The following NOS3 variants were observed in gnomAD, a reference collection of about 807,000 sequenced individuals.
The protein encoded by NOS3 is NOS type III.
In NOS3, 98 loss-of-function variants were observed where a neutral mutation model predicts 144.9. The ratio of observed to expected loss-of-function variants is 0.68; its 90% CI spans 0.57 to 0.80. The LOEUF is 0.80. Ranked by LOEUF, NOS3 falls within the 30% of genes least tolerant of loss-of-function variation. The pLI is 0.00. For synonymous variants in NOS3, 714 were observed against 702.4 expected, an observed-to-expected ratio of 1.02 and a Z score of -0.26; for missense variants, 1,465 against 1,656.4, an observed-to-expected ratio of 0.88 and a Z score of 2.01.
In NOS3 at chr7:151,002,890, CT is replaced by C. The variant is rs1157155018; in HGVS notation, c.1752+587del. 1.0e-5 allele frequency: 2 copies of C among 200,766 alleles called. No individual in the cohort carries two copies. Among genetic ancestry groups the C allele is most frequent in the African/African-American group, 4.8e-5 (2 of 41,678 alleles). 12.4% of individuals were successfully genotyped at this position (200,766 alleles called of 1,614,324 possible). On this transcript the variant is annotated intron_variant, in intron 14 of 26. Coordinates refer to ENST00000297494, the MANE Select transcript of NOS3 (RefSeq NM_000603.5). The surrounding 1 kb of genome is among the most constrained non-coding windows in gnomAD (Gnocchi z 4.1). Reference sequence around the variant, plus strand: ...GAACTCCTAGCCTCAAGAGATCCTCCTGCCGCAGGCTCCTTTTTCAAAAGAA... The same window carrying C: ...GAACTCCTAGCCTCAAGAGATCCTCCGCCGCAGGCTCCTTTTTCAAAAGAA...
At position 151,014,313 on chromosome 7, in the gene NOS3, T is replaced by A; in HGVS notation, c.*144T>A. ...GGCTGCAAGGATTCAGCATTATTCCTCCAGGAAGGAGCAAAACGCCTCTTT... is the reference window on the plus strand; with the variant it reads ...GGCTGCAAGGATTCAGCATTATTCCACCAGGAAGGAGCAAAACGCCTCTTT... On this transcript the variant is annotated 3_prime_UTR_variant, in exon 27 of 27. Coordinates refer to ENST00000297494, the MANE Select transcript of NOS3 (RefSeq NM_000603.5). The A allele has an allele frequency of 1.1e-6, 1 of 913,150 alleles. No homozygotes were observed. The allele number at this position is 913,150 out of a possible 1,614,324, so 56.6% of individuals were successfully genotyped here. A position where few individuals can be genotyped will look rare whatever the true frequency, so the allele number is the denominator to read the frequency against.
rs1022270557 is a variant in NOS3 at position 151,002,260 on chromosome 7, G to A, written c.1708G>A (p.Val570Ile). 3 of 1,599,720 alleles carry A rather than the reference G, an allele frequency of 1.9e-6. No individual in the cohort carries two copies. The African/African-American group carries it at 4.0e-5, about 21-fold the overall frequency. ...SLEHETLVLV[V>I]TSTFGNGDPP... The stretch of plus-strand genomic sequence containing the variant: ...CGAACACGAGACGCTGGTGCTGGTG[G>A]TAACCAGCACATTTGGGAATGGGGA... Residue 570 changes from valine to isoleucine, a missense_variant, in exon 14 of 27, where the codon GTA becomes ATA. Val to Ile is a conservative substitution (Grantham distance 29, BLOSUM62 3). Around this residue, in one of 5 missense-constraint regions of NOS3, gnomAD observed 745 missense variants for 853.9 expected, o/e 0.87. Coordinates refer to ENST00000297494, the MANE Select transcript of NOS3 (RefSeq NM_000603.5). The surrounding 1 kb of genome is among the most constrained non-coding windows in gnomAD (Gnocchi z 4.1).
chr7:151,010,393 T>C (rs1795279311), intron 21 of NOS3, 106 bp downstream of exon 21: 3 of 1,208,380 alleles, frequency 2.5e-6, no homozygotes, highest in Non-Finnish European at 2.3e-6. Flanking sequence ...GACTTTCTTC[T>C]CCTGGCCGAC....
At position 151,010,108 on chromosome 7, in the gene NOS3, T is replaced by A; in HGVS notation, c.2513-7T>A. 1 of 1,575,644 alleles carries A rather than the reference T, an allele frequency of 6.3e-7. No homozygotes were observed. On this transcript the variant is annotated splice_polypyrimidine_tract_variant and splice_region_variant and intron_variant, in intron 20 of 26. Transcript: ENST00000297494. Reference sequence around the variant, plus strand: ...TGTCCTCAGAGCTCCCTGTGCACTATCCCCAGGTGGCCCTCCCCCCGGCTG... The same window carrying A: ...TGTCCTCAGAGCTCCCTGTGCACTAACCCCAGGTGGCCCTCCCCCCGGCTG...
At chr7:150,994,299 C>T (rs1187753288) in intron 2 of NOS3, among the ~76,000 whole-genome samples, 1 of 152,170 alleles carries the variant, frequency 6.6e-6, no homozygotes, top group Non-Finnish European at 1.5e-5. Flanking sequence ...ATACTTACTC[C>T]ATGGGGAAGT....
At chr7:151,009,793 CA>C (rs1299458158) in intron 20 of NOS3, among the ~76,000 whole-genome samples, 7 of 152,210 alleles carry the variant, frequency 4.6e-5, no homozygotes, top group Non-Finnish European at 1.0e-4. Context: ...GCACCCCCAC[CA>C]AAAGGCTGTC....
rs774245801 is a variant in NOS3, at chr7:150,996,903, G to A, written c.560G>A (p.Arg187Gln). 10 of 1,575,988 alleles carry A rather than the reference G, an allele frequency of 6.3e-6. No individual in the cohort carries two copies. The highest frequency in any genetic ancestry group is 4.0e-5 in the African/African-American group (3 of 74,192). ...AWRNAPRCVG[R>Q]IQWGKLQVFD... is the part of the protein sequence containing the mutation. Reference sequence around the variant, plus strand: ...CGCAACGCTCCCCGCTGCGTGGGCCGGATCCAGTGGGGGAAGCTGCAGGTG... The same window carrying A: ...CGCAACGCTCCCCGCTGCGTGGGCCAGATCCAGTGGGGGAAGCTGCAGGTG... The change falls in exon 5 of 27, where the codon CGG becomes CAG. Residue 187 changes from arginine to glutamine, a missense_variant. By Grantham distance (43) the Arg-to-Gln change is conservative. Around this residue, in one of 5 missense-constraint regions of NOS3, gnomAD observed 374 missense variants for 377.0 expected, o/e 0.99. Transcript: ENST00000297494.
In NOS3 at chr7:150,998,892, CTGAGGAGGGCA is replaced by C; in HGVS notation, c.817-48_817-38del. On this transcript the variant is annotated intron_variant, in intron 7 of 26. Transcript: ENST00000297494. The surrounding 1 kb of genome is among the most constrained non-coding windows in gnomAD (Gnocchi z 5.0). ...CAGGAGACAGTGGATGGAGGGGTCCCTGAGGAGGGCATGAGGCTCAGCCCCAGAACCCCCTC... is the reference window on the plus strand; with the variant it reads ...CAGGAGACAGTGGATGGAGGGGTCCCTGAGGCTCAGCCCCAGAACCCCCTC... The C allele has an allele frequency of 6.4e-7, 1 of 1,571,358 alleles. No individual in the cohort carries two copies. The highest frequency in any genetic ancestry group is 8.6e-7 in the Non-Finnish European group (1 of 1,159,606).
In NOS3 at chr7:151,012,341, C is replaced by G; in HGVS notation, c.2985-10C>G. ...GCAAAGGGGACCTGATGGAGTGTCT[C>G]TCCTGCCAGGGCTCCCTCCTTCCGG... On this transcript the variant is annotated splice_polypyrimidine_tract_variant and intron_variant, in intron 23 of 26. Coordinates refer to ENST00000297494, the MANE Select transcript of NOS3 (RefSeq NM_000603.5). The G allele has an allele frequency of 1.3e-6, 2 of 1,549,196 alleles. No individual in the cohort carries two copies. Among genetic ancestry groups the G allele is most frequent in the South Asian group, 2.4e-5 (2 of 84,038 alleles).
Position 151,009,463 on chromosome 7 carries a change from A to G in NOS3, c.2390A>G (p.Asp797Gly). Residue 797 changes from aspartate (D) to glycine (G), a missense_variant, in exon 20 of 27, where the codon GAC becomes GGC. Asp to Gly is a moderately conservative substitution (Grantham distance 94). Coordinates refer to ENST00000297494, the MANE Select transcript of NOS3 (RefSeq NM_000603.5). ...GAGGGGCTGCAGTACCAGCCGGGGG[A>G]CCACATAGGTGTCTGCCCGCCCAAC... ...GQEGLQYQPGDHIGVCPPNRP... is the reference protein window; with the variant it reads ...GQEGLQYQPGGHIGVCPPNRP... 6.5e-7 allele frequency: 1 copy of G among 1,547,054 alleles called. No homozygotes were observed. The highest frequency in any genetic ancestry group is 8.7e-7 in the Non-Finnish European group (1 of 1,146,046).
At chr7:151,006,216 G>A (rs1279967343) in intron 14 of NOS3, among the ~76,000 whole-genome samples, 8 of 152,162 alleles carry the variant, frequency 5.3e-5, no homozygotes, top group African/African-American at 1.7e-4. Context: ...GCATATGCCC[G>A]GAGGGAAGAT....
At position 151,002,277 on chromosome 7, in the gene NOS3, G is replaced by A. The variant is rs1371778785; in HGVS notation, c.1725G>A (p.Gly575=). The change falls in exon 14 of 27, where the codon GGG becomes GGA. Residue 575 remains glycine (G), a synonymous_variant. Coordinates refer to ENST00000297494, the MANE Select transcript of NOS3 (RefSeq NM_000603.5). The surrounding 1 kb of genome is among the most constrained non-coding windows in gnomAD (Gnocchi z 4.1). ...TLVLVVTSTF[G]NGDPPENGES... ...TGCTGGTGGTAACCAGCACATTTGG[G>A]AATGGGGATCCCCCGGAGAATGGAG... 2.5e-6 allele frequency: 4 copies of A among 1,596,816 alleles called. No individual in the cohort carries two copies. Among genetic ancestry groups the A allele is most frequent in the Non-Finnish European group, 3.4e-6 (4 of 1,171,142 alleles).
At chr7:151,007,350 C>A in intron 17 of NOS3, 74 bp downstream of exon 17, 1 of 1,444,158 alleles carries the variant, frequency 6.9e-7, no homozygotes, top group Non-Finnish European at 9.2e-7. Flanking sequence ...TGCCCTGATT[C>A]TGTTTGGTTC....
intron 10 of NOS3, 70 bp downstream of exon 10, chr7:151,000,669 G>A: frequency 5.9e-6 from 6 of 1,015,844 alleles, no homozygotes; most frequent in Non-Finnish European, 7.6e-6. Context: ...GGGGGATGGA[G>A]GAGAGGCAGC....
chr7:151,009,804 C>A (rs1342621960), intron 20 of NOS3, among the ~76,000 whole-genome samples: 1 of 152,200 alleles, frequency 6.6e-6, no homozygotes, highest in East Asian at 1.9e-4. Context: ...AAAAGGCTGT[C>A]CCCTCCCTCT....
At position 150,993,823 on chromosome 7, in the gene NOS3, TGG is replaced by T; in HGVS notation, c.21_22del (p.Ala8ProfsTer29). The T allele has an allele frequency of 6.3e-7, 1 of 1,597,874 alleles. No homozygotes were observed. The highest frequency in any genetic ancestry group is 1.4e-5 in the African/African-American group (1 of 73,658). ...AGTAACATGGGCAACTTGAAGAGCG[TGG>T]CCCAGGAGCCTGGGCCACCCTGCGG... On this transcript the variant is annotated frameshift_variant, in exon 2 of 27. Transcript: ENST00000297494. LOFTEE classifies it high-confidence loss of function. This position sits in a 1 kb window ranked among gnomAD's most constrained non-coding sequence, Gnocchi z 4.0.
intron 24 of NOS3, 167 bp from the exon 25 acceptor site, chr7:151,013,064 G>A: frequency 1.4e-6 from 1 of 732,274 alleles, no homozygotes; most frequent in Non-Finnish European, 2.2e-6. Context: ...GCTGTGCAGG[G>A]TCTCTGTGAA....
At position 151,009,567 on chromosome 7, in the gene NOS3, C is replaced by T; in HGVS notation, c.2494C>T (p.Leu832=). Residue 832 remains leucine (L), a synonymous_variant, in exon 20 of 27, where the codon CTG becomes TTG. Transcript: ENST00000297494. ...CACTGAGCCCGTGGCAGTAGAGCAGCTGGAGAAGGGCAGCCCTGGTGAGGG... is the reference window on the plus strand; with the variant it reads ...CACTGAGCCCGTGGCAGTAGAGCAGTTGGAGAAGGGCAGCCCTGGTGAGGG... ...APTEPVAVEQ[L]EKGSPGGPPP... is the part of the protein sequence containing the mutation. 1 of 1,538,874 alleles carries T rather than the reference C, an allele frequency of 6.5e-7. No individual in the cohort carries two copies. The highest frequency in any genetic ancestry group is 8.8e-7 in the Non-Finnish European group (1 of 1,142,386).
chr7:151,001,316 G>T lies in NOS3; in HGVS notation c.1319G>T (p.Gly440Val), dbSNP rs1374995298. Residue 440 changes from glycine to valine, a missense_variant, in exon 11 of 27, where the codon GGC becomes GTC. Around this residue, in one of 5 missense-constraint regions of NOS3, gnomAD observed 745 missense variants for 853.9 expected, o/e 0.87. Transcript: ENST00000297494. ...HLENEQKARG[G>V]CPADWAWIVP... Reference sequence around the variant, plus strand: ...GAGAATGAGCAGAAGGCCAGGGGGGGCTGCCCTGCAGACTGGGCCTGGATC... The same window carrying T: ...GAGAATGAGCAGAAGGCCAGGGGGGTCTGCCCTGCAGACTGGGCCTGGATC... 6.2e-7 allele frequency: 1 copy of T among 1,613,602 alleles called. No individual in the cohort carries two copies. The highest frequency in any genetic ancestry group is 1.7e-5 in the Admixed American group (1 of 59,986).
Sources: gnomAD v4.1 joint callset for allele counts (sites outside exome capture counted in the v4.1 genomes callset) on GRCh38, gnomAD v4.1.1 for gene constraint, gnomAD v4.1.1 regional missense constraint, Gnocchi (gnomAD v3.1) non-coding constraint, MANE v1.5 for transcripts, NCBI Gene and HGNC (gene_info 2026-07-23, HGNC 2026-07-21) for gene names.